The following CDIN1 variants were observed in gnomAD, a reference collection of about 807,000 sequenced individuals.
CDIN1 encodes the protein CDAN1-interacting nuclease 1.
CDIN1 carries 33 observed loss-of-function variants against 45.3 expected under a neutral mutation model. That is an observed-to-expected ratio of 0.73 (90% CI 0.55 to 0.97). The LOEUF (loss-of-function observed/expected upper bound fraction) is 0.97. Ranked by LOEUF, CDIN1 falls within the 50% of genes least tolerant of loss-of-function variation. The pLI is 0.00. For missense variants in CDIN1, 303 were observed against 339.4 expected, an observed-to-expected ratio of 0.89 and a Z score of 0.84; for synonymous variants, 118 against 124.4, an observed-to-expected ratio of 0.95 and a Z score of 0.34.
intron 10 of CDIN1, among the ~76,000 whole-genome samples, chr15:36,800,869 G>A (rs1176158374): frequency 1.8e-5 from 1 of 55,798 alleles, no homozygotes; most frequent in African/African-American, 6.6e-5. Context: ...ATGTGTGTGT[G>A]TGTGTATATA....
At chr15:36,750,015 A>G (rs1298666017) in intron 10 of CDIN1, among the ~76,000 whole-genome samples, 1 of 152,106 alleles carries the variant, frequency 6.6e-6, no homozygotes, top group African/African-American at 2.4e-5. Flanking sequence ...TTGAAACTCC[A>G]GACCCAGTCA....
chr15:36,637,442 A>G (rs528952223), intron 1 of CDIN1, among the ~76,000 whole-genome samples: 1 of 152,314 alleles, frequency 6.6e-6, no homozygotes, highest in African/African-American at 2.4e-5. Flanking sequence ...CACAAGGAAA[A>G]TGAAAAGGCA....
chr15:36,763,564 T>C (rs2053833976), intron 10 of CDIN1, among the ~76,000 whole-genome samples: 1 of 152,252 alleles, frequency 6.6e-6, no homozygotes, highest in Non-Finnish European at 1.5e-5. Flanking sequence ...TTCTCTGCCA[T>C]CAGCTTGCAC....
At chr15:36,784,184 T>G (rs1235925274) in intron 10 of CDIN1, among the ~76,000 whole-genome samples, 1 of 152,186 alleles carries the variant, frequency 6.6e-6, no homozygotes, top group African/African-American at 2.4e-5. Flanking sequence ...TTTATAACAC[T>G]GTTATTAAAA....
chr15:36,791,127 G>GA lies in CDIN1; in HGVS notation c.717-17195dup, dbSNP rs1302392042. 2.0e-5 allele frequency among the ~76,000 whole-genome samples: 3 copies of GA among 152,114 alleles called. No individual in the cohort carries two copies. The East Asian group carries it at 5.8e-4, about 29-fold the overall frequency. On this transcript the variant is annotated intron_variant, in intron 10 of 10. Transcript: ENST00000566621. The stretch of plus-strand genomic sequence containing the variant: ...GCTCCTCAAATGAACAAAGGCAAAT[G>GA]AATCAGTAAAGCAAACAATAGCAGT...
intron 5 of CDIN1, chr15:36,691,322 C>T (rs992411586): frequency 1.0e-5 from 3 of 300,116 alleles, no homozygotes; most frequent in Non-Finnish European, 1.9e-5. Context: ...TCTTCATATA[C>T]ATATGCTTGG....
chr15:36,739,791 T>C (rs1363663057), intron 10 of CDIN1, among the ~76,000 whole-genome samples: 3 of 152,194 alleles, frequency 2.0e-5, no homozygotes, highest in African/African-American at 7.2e-5. Flanking sequence ...TTACTGAAAA[T>C]TATACAAAAA....
intron 3 of CDIN1, among the ~76,000 whole-genome samples, chr15:36,646,286 A>G (rs2040325876): frequency 6.6e-6 from 1 of 152,206 alleles, no homozygotes. Context: ...GAATCAAGAA[A>G]GGGATATTGA....
In CDIN1 at chr15:36,724,756, A is replaced by G. The variant is rs75867311; in HGVS notation, c.716+14795A>G. On this transcript the variant is annotated intron_variant, in intron 10 of 10. Coordinates refer to ENST00000566621, the MANE Select transcript of CDIN1 (RefSeq NM_001321759.2). ...AATAATTATGACTCATAGCAAATTAAATTATTTCTAAATTTACCGACTCCC... is the reference window on the plus strand; with the variant it reads ...AATAATTATGACTCATAGCAAATTAGATTATTTCTAAATTTACCGACTCCC... Among the ~76,000 whole-genome samples the G allele has an allele frequency of 7.8e-3, 1,191 of 152,240 alleles. 13 individuals carry two copies. Among genetic ancestry groups the G allele is most frequent in the African/African-American group, 0.027 (1,128 of 41,538 alleles).
chr15:36,657,750 A>C (rs2040836320), intron 4 of CDIN1, 83 bp from the exon 5 acceptor site: 2 of 1,055,596 alleles, frequency 1.9e-6, no homozygotes, highest in Non-Finnish European at 1.4e-6. Context: ...AAATTGACTT[A>C]TTCTTCAGTG....
intron 10 of CDIN1, among the ~76,000 whole-genome samples, chr15:36,736,453 T>A (rs936999722): frequency 3.3e-5 from 5 of 152,172 alleles, no homozygotes; most frequent in South Asian, 2.1e-4. Context: ...CATTCTCCCA[T>A]GTTTGTTTCA....
At chr15:36,786,003 A>C (rs1398782134) in intron 10 of CDIN1, among the ~76,000 whole-genome samples, 1 of 152,220 alleles carries the variant, frequency 6.6e-6, no homozygotes, top group Non-Finnish European at 1.5e-5. Flanking sequence ...ATGAAGAGAC[A>C]TATAACCCAT....
At chr15:36,800,932 T>TAC in intron 10 of CDIN1, among the ~76,000 whole-genome samples, 1 of 113,520 alleles carries the variant, frequency 8.8e-6, no homozygotes, top group South Asian at 2.8e-4. Context: ...TATATATATA[T>TAC]ATATATATAT....
intron 10 of CDIN1, among the ~76,000 whole-genome samples, chr15:36,772,159 A>G (rs1449713361): frequency 1.3e-5 from 2 of 152,094 alleles, no homozygotes; most frequent in Non-Finnish European, 2.9e-5. Context: ...ACTGTCCCTT[A>G]TCCACAATTC....
chr15:36,695,347 A>G (rs528819043), intron 7 of CDIN1, among the ~76,000 whole-genome samples: 2 of 152,312 alleles, frequency 1.3e-5, no homozygotes, highest in East Asian at 3.9e-4. Context: ...GTAATGATTC[A>G]CATAATTATT....
chr15:36,746,972 A>G (rs1383989013), intron 10 of CDIN1: 1 of 397,780 alleles, frequency 2.5e-6, no homozygotes, highest in East Asian at 3.6e-5. Flanking sequence ...CTGGTGTGGA[A>G]CTCCTGGGCT....
intron 10 of CDIN1, among the ~76,000 whole-genome samples, chr15:36,766,428 A>G (rs2053926194): frequency 6.6e-6 from 1 of 152,116 alleles, no homozygotes; most frequent in South Asian, 2.1e-4. Context: ...ACCCAGAAGC[A>G]GGATTGCTGG....
chr15:36,661,528 T>C (rs1161280320), intron 5 of CDIN1, among the ~76,000 whole-genome samples: 4 of 152,152 alleles, frequency 2.6e-5, no homozygotes, highest in African/African-American at 9.7e-5. Context: ...GCATTGAGAG[T>C]ATAATTGGAA....
intron 1 of CDIN1, chr15:36,641,489 G>A (rs1250612870): frequency 2.0e-5 from 3 of 152,248 alleles, no homozygotes; most frequent in Non-Finnish European, 4.4e-5. Flanking sequence ...GACAGCTGTA[G>A]GGTGCGGAGC....
Sources: allele counts gnomAD v4.1 joint callset (sites outside exome capture counted in the v4.1 genomes callset), GRCh38; gene constraint gnomAD v4.1.1; transcripts MANE v1.5; gene names NCBI Gene and HGNC (gene_info 2026-07-23, HGNC 2026-07-21).